AGMO: variants seen among roughly 807,000 people sequenced by gnomAD.
AGMO encodes the protein alkylglycerol monooxygenase.
A neutral mutation model predicts 60.2 loss-of-function variants in AGMO; 75 were observed. The ratio of observed to expected loss-of-function variants is 1.25; its 90% CI spans 1.03 to 1.51. AGMO has a LOEUF of 1.51. Ranked by LOEUF, AGMO falls within the 40% of genes most tolerant of loss-of-function variation. The pLI, the probability that AGMO is intolerant of heterozygous loss-of-function variation, is 0.00. For synonymous variants in AGMO, 261 were observed against 177.1 expected (o/e 1.47, Z -3.76); for missense variants, 763 against 525.5 (o/e 1.45, Z -4.42).
At chr7:15,556,140 T>C (rs55651441) in intron 2 of AGMO, among the ~76,000 whole-genome samples, 4,540 of 151,570 alleles carry the variant, frequency 0.03, 194 homozygotes, top group African/African-American at 0.1. Context: ...AAAAACCCAG[T>C]ATACAATTTT....
At chr7:15,435,886 C>A (rs904991154) in intron 3 of AGMO, among the ~76,000 whole-genome samples, 1 of 152,128 alleles carries the variant, frequency 6.6e-6, no homozygotes, top group African/African-American at 2.4e-5. Flanking sequence ...TCTCTCCTAT[C>A]TTGTCATCTA....
At chr7:15,457,272 A>ATT in intron 3 of AGMO, among the ~76,000 whole-genome samples, 1 of 152,288 alleles carries the variant, frequency 6.6e-6, no homozygotes, top group Non-Finnish European at 1.5e-5. Context: ...ACTTTGATAA[A>ATT]TGCATATTTC....
At chr7:15,429,083 G>C (rs1316212254) in intron 4 of AGMO, among the ~76,000 whole-genome samples, 2 of 152,054 alleles carry the variant, frequency 1.3e-5, no homozygotes, top group African/African-American at 2.4e-5. Flanking sequence ...AAAATAGGCA[G>C]TGATTTTTGT....
chr7:15,391,993 G>A lies in AGMO; in HGVS notation c.677-1088C>T, dbSNP rs550687927. On this transcript the variant is annotated intron_variant, in intron 6 of 12. Coordinates refer to ENST00000342526, the MANE Select transcript of AGMO (RefSeq NM_001004320.2). ...TAAGCAGGCGTGGGCATGCGAAGATGAAGTCAGAGGAAGTAGCAACTGTTT... is the reference window on the plus strand; with the variant it reads ...TAAGCAGGCGTGGGCATGCGAAGATAAAGTCAGAGGAAGTAGCAACTGTTT... 6.6e-4 allele frequency among the ~76,000 whole-genome samples: 101 copies of A among 152,334 alleles called. 1 individual carries two copies. The highest frequency in any genetic ancestry group is 2.3e-3 in the African/African-American group (95 of 41,584).
chr7:15,334,582 A>G (rs188874005), intron 12 of AGMO, among the ~76,000 whole-genome samples: 77 of 152,294 alleles, frequency 5.1e-4, no homozygotes, highest in African/African-American at 1.8e-3. Context: ...AAGCAGAGAT[A>G]TTAAAGGCTC....
At chr7:15,507,310 A>G (rs551964513) in intron 3 of AGMO, among the ~76,000 whole-genome samples, 6 of 152,186 alleles carry the variant, frequency 3.9e-5, no homozygotes, top group African/African-American at 1.2e-4. Context: ...TAACATTGCA[A>G]AAAAAGGAAT....
At chr7:15,315,192 G>C (rs560776154) in intron 12 of AGMO, among the ~76,000 whole-genome samples, 10 of 151,970 alleles carry the variant, frequency 6.6e-5, no homozygotes, top group Admixed American at 5.2e-4. Flanking sequence ...ATGAAATAAT[G>C]AATTTGTGTT....
intron 12 of AGMO, among the ~76,000 whole-genome samples, chr7:15,364,287 G>A (rs1398602811): frequency 6.6e-6 from 1 of 151,698 alleles, no homozygotes; most frequent in Non-Finnish European, 1.5e-5. Context: ...TATCTTCCTA[G>A]ATATATTTAC....
intron 3 of AGMO, among the ~76,000 whole-genome samples, chr7:15,464,823 G>A (rs981416927): frequency 3.9e-5 from 6 of 152,254 alleles, no homozygotes; most frequent in African/African-American, 1.4e-4. Flanking sequence ...GGCCAAAAAA[G>A]CAATTATGGA....
chr7:15,405,369 A>G (rs916895676), intron 5 of AGMO, among the ~76,000 whole-genome samples: 5 of 151,910 alleles, frequency 3.3e-5, no homozygotes, highest in Non-Finnish European at 1.5e-5. Flanking sequence ...GTTTACTATC[A>G]GCTTCTATGT....
intron 12 of AGMO, among the ~76,000 whole-genome samples, chr7:15,272,464 A>C (rs1318127057): frequency 6.6e-6 from 1 of 151,736 alleles, no homozygotes; most frequent in Admixed American, 6.6e-5. Context: ...TGAACTCATC[A>C]TTTTTTATGG....
chr7:15,219,410 A>T (rs1164009167), intron 12 of AGMO, among the ~76,000 whole-genome samples: 1 of 152,176 alleles, frequency 6.6e-6, no homozygotes, highest in East Asian at 1.9e-4. Flanking sequence ...GACAAGAAAG[A>T]TGAAGAGGAG....
At position 15,208,990 on chromosome 7, in the gene AGMO, A is replaced by C. The variant is rs547350564; in HGVS notation, c.1264-7631T>G. Among the ~76,000 whole-genome samples, 7 of 152,298 alleles carry C rather than the reference A, an allele frequency of 4.6e-5. No individual in the cohort carries two copies. The South Asian group carries it at 6.2e-4, about 14-fold the overall frequency. ...TTTTATTACTGACCACTAAAATTTA[A>C]AGCATTTACATTTTAAAACCAGAGG... is the stretch of plus-strand genomic sequence containing the variant. On this transcript the variant is annotated intron_variant, in intron 12 of 12. Transcript: ENST00000342526.
chr7:15,184,115 TC>T, the AGMO span, among the ~76,000 whole-genome samples: 3 of 152,156 alleles, frequency 2.0e-5, no homozygotes, highest in South Asian at 4.1e-4. Flanking sequence ...TCAATATATA[TC>T]AAAAGTCTCA....
chr7:15,287,816 G>C (rs1157791418), intron 12 of AGMO, among the ~76,000 whole-genome samples: 1 of 151,750 alleles, frequency 6.6e-6, no homozygotes, highest in Admixed American at 6.6e-5. Flanking sequence ...TGGTCCTTTT[G>C]AATACATTAC....
chr7:15,463,393 A>G (rs57137758), intron 3 of AGMO, among the ~76,000 whole-genome samples: 28,145 of 152,092 alleles, frequency 0.19, 3,684 homozygotes, highest in East Asian at 0.61. Context: ...ATAGCTGCCA[A>G]AAGGAAAAGG....
At chr7:15,182,105 G>T in the AGMO span, among the ~76,000 whole-genome samples, 1 of 152,120 alleles carries the variant, frequency 6.6e-6, no homozygotes, top group African/African-American at 2.4e-5. Context: ...GTCAAAAAAA[G>T]GAAAAATATT....
chr7:15,298,730 A>T (rs968107824), intron 12 of AGMO, among the ~76,000 whole-genome samples: 6 of 152,106 alleles, frequency 3.9e-5, no homozygotes, highest in Non-Finnish European at 8.8e-5. Flanking sequence ...GCCACTCATT[A>T]ATTTTAAGCT....
intron 5 of AGMO, among the ~76,000 whole-genome samples, chr7:15,411,010 G>C (rs1199957975): frequency 6.6e-6 from 1 of 151,986 alleles, no homozygotes; most frequent in Non-Finnish European, 1.5e-5. Context: ...GAATCTTTAA[G>C]ATGTGATTAG....
Sources: gnomAD v4.1 joint callset for allele counts (sites outside exome capture counted in the v4.1 genomes callset) on GRCh38, gnomAD v4.1.1 for gene constraint, MANE v1.5 for transcripts, NCBI Gene and HGNC (gene_info 2026-07-23, HGNC 2026-07-21) for gene names.